ANKRD31: variants seen among roughly 807,000 people sequenced by gnomAD.
ANKRD31 encodes the protein ankyrin repeat domain 31.
A neutral mutation model predicts 186.0 loss-of-function variants in ANKRD31; 147 were observed. The ratio of observed to expected loss-of-function variants is 0.79; its 90% CI spans 0.69 to 0.91. The LOEUF (loss-of-function observed/expected upper bound fraction) is 0.91, where lower values mean the gene tolerates loss of function less well. ANKRD31 is among the 40% of genes least tolerant of loss of function. The pLI is 0.00. For missense variants in ANKRD31, 1,986 were observed against 2,148.8 expected, an observed-to-expected ratio of 0.92 and a Z score of 1.50; for synonymous variants, 673 against 736.4, an observed-to-expected ratio of 0.91 and a Z score of 1.39.
intron 7 of ANKRD31, among the ~76,000 whole-genome samples, chr5:75,195,046 G>A (rs571174022): frequency 1.3e-5 from 2 of 152,190 alleles, no homozygotes; most frequent in South Asian, 4.1e-4. Context: ...TGAGTGATAG[G>A]CCACTACAGA....
chr5:75,154,160 C>T, intron 12 of ANKRD31, 41 bp downstream of exon 12: 3 of 1,365,152 alleles, frequency 2.2e-6, no homozygotes, highest in Non-Finnish European at 2.8e-6. Flanking sequence ...TGTAACTTCA[C>T]TGATGTGACA....
At chr5:75,141,198 A>G (rs1396749137) in intron 15 of ANKRD31, among the ~76,000 whole-genome samples, 1 of 152,170 alleles carries the variant, frequency 6.6e-6, no homozygotes, top group Non-Finnish European at 1.5e-5. Context: ...ACCATTCTCT[A>G]AAAAATGGAT....
At chr5:75,118,904 G>A (rs1378532518) in intron 17 of ANKRD31, among the ~76,000 whole-genome samples, 1 of 152,030 alleles carries the variant, frequency 6.6e-6, no homozygotes, top group Non-Finnish European at 1.5e-5. Flanking sequence ...GAAAAGTGGG[G>A]TAAGAGTTGC....
At chr5:75,144,932 T>C (rs1019883210) in intron 14 of ANKRD31, among the ~76,000 whole-genome samples, 4 of 151,958 alleles carry the variant, frequency 2.6e-5, no homozygotes, top group African/African-American at 9.7e-5. Context: ...GGGCAAATGA[T>C]ATGAACAGAC....
intron 10 of ANKRD31, among the ~76,000 whole-genome samples, chr5:75,178,312 T>G (rs780385281): frequency 6.6e-6 from 1 of 152,144 alleles, no homozygotes; most frequent in Non-Finnish European, 1.5e-5. Context: ...ACTGTCAACA[T>G]TAGACAGATC....
In ANKRD31 at chr5:75,068,566, C is replaced by T. The variant is rs1743947501; in HGVS notation, c.5746G>A (p.Asp1916Asn). 6.6e-7 allele frequency: 1 copy of T among 1,525,868 alleles called. No individual in the cohort carries two copies. Among genetic ancestry groups the T allele is most frequent in the East Asian group, 2.5e-5 (1 of 40,400 alleles). 94.5% of individuals were successfully genotyped at this position (1,525,868 alleles called of 1,614,324 possible). Reference sequence around the variant, plus strand: ...TCCACACAAAACTTCCAATGCTGATCCATTATGTGGCATGGGAGAAATTCT... The same window carrying T: ...TCCACACAAAACTTCCAATGCTGATTCATTATGTGGCATGGGAGAAATTCT... ...DQEFLPCHIM[D>N]QHWKFCVECE... The change falls in exon 26 of 26, where the codon GAT becomes AAT. Residue 1916 changes from aspartate to asparagine, a missense_variant. Asp to Asn is a conservative substitution (Grantham distance 23). Coordinates refer to ENST00000506364, the MANE Select transcript of ANKRD31 (RefSeq NM_001372053.1).
chr5:75,080,873 A>G (rs1745028376), intron 24 of ANKRD31, among the ~76,000 whole-genome samples: 1 of 152,192 alleles, frequency 6.6e-6, no homozygotes, highest in Non-Finnish European at 1.5e-5. Flanking sequence ...ATAAGAGAAC[A>G]GATTATGTTT....
intron 10 of ANKRD31, among the ~76,000 whole-genome samples, chr5:75,172,985 T>A (rs554102776): frequency 2.0e-4 from 30 of 152,286 alleles, no homozygotes; most frequent in South Asian, 4.1e-4. Flanking sequence ...GCAAAAATCC[T>A]CAATAAAATA....
chr5:75,107,496 T>TC (rs1267691059), intron 21 of ANKRD31, 25 bp downstream of exon 21: 1 of 1,406,286 alleles, frequency 7.1e-7, no homozygotes, highest in Non-Finnish European at 9.5e-7. Context: ...TCAAAAGCAC[T>TC]CTTTTTTTTT....
intron 10 of ANKRD31, among the ~76,000 whole-genome samples, chr5:75,185,030 A>T (rs1350675036): frequency 6.7e-6 from 1 of 149,634 alleles, no homozygotes; most frequent in Non-Finnish European, 1.5e-5. Context: ...ATTCAGCCAT[A>T]AAAAAAGAAT....
intron 7 of ANKRD31, 50 bp from the exon 8 acceptor site, chr5:75,193,641 T>C: frequency 9.5e-6 from 14 of 1,470,492 alleles, no homozygotes; most frequent in Non-Finnish European, 1.3e-5. Flanking sequence ...TGCAAAAAAA[T>C]TAAAACTATA....
chr5:75,199,996 T>A (rs1755708640), intron 5 of ANKRD31, among the ~76,000 whole-genome samples: 1 of 152,198 alleles, frequency 6.6e-6, no homozygotes, highest in Non-Finnish European at 1.5e-5. Context: ...GGAAAAAGAC[T>A]ATCTACTTTC....
chr5:75,219,540 T>A (rs1757160696), intron 3 of ANKRD31, among the ~76,000 whole-genome samples: 1 of 152,200 alleles, frequency 6.6e-6, no homozygotes, highest in Non-Finnish European at 1.5e-5. Flanking sequence ...GAACATTCCA[T>A]ACTCATGAAT....
At chr5:75,228,138 G>A (rs1757742136) in intron 2 of ANKRD31, among the ~76,000 whole-genome samples, 1 of 152,150 alleles carries the variant, frequency 6.6e-6, no homozygotes, top group Admixed American at 6.6e-5. Flanking sequence ...CCATTGAAAG[G>A]TTTTGATTGA....
rs995993574 is a variant in ANKRD31, at chr5:75,174,123, T to C, written c.1565-5002A>G. ...TGACAAACCTGACAAAAACAAGAAA[T>C]GGGGAAACGATTCCCTATTTAGTAA... On this transcript the variant is annotated intron_variant, in intron 10 of 25. Transcript: ENST00000506364. Among the ~76,000 whole-genome samples, 9 of 152,266 alleles carry C rather than the reference T, an allele frequency of 5.9e-5. No individual in the cohort carries two copies. The South Asian group carries it at 8.3e-4, about 14-fold the overall frequency.
At chr5:75,096,664 A>C (rs1234812972) in intron 22 of ANKRD31, among the ~76,000 whole-genome samples, 1 of 150,942 alleles carries the variant, frequency 6.6e-6, no homozygotes, top group Non-Finnish European at 1.5e-5. Flanking sequence ...ACCTTTAAAA[A>C]AATTTTTTTT....
At chr5:75,218,731 G>A (rs75109471) in intron 3 of ANKRD31, among the ~76,000 whole-genome samples, 3,978 of 152,096 alleles carry the variant, frequency 0.026, 160 homozygotes, top group African/African-American at 0.091. Flanking sequence ...ATGTGAATTC[G>A]CACAACAAAA....
chr5:75,159,038 A>T (rs1056029047), intron 11 of ANKRD31, among the ~76,000 whole-genome samples: 2 of 141,988 alleles, frequency 1.4e-5, no homozygotes, highest in African/African-American at 2.5e-5. Flanking sequence ...AGAAAGTTTT[A>T]AAAAAATCAA....
At chr5:75,105,593 T>A (rs939819853) in intron 21 of ANKRD31, among the ~76,000 whole-genome samples, 1 of 152,170 alleles carries the variant, frequency 6.6e-6, no homozygotes, top group African/African-American at 2.4e-5. Context: ...AAGGTAGCAA[T>A]TGGTGGCTAA....
Sources: allele counts gnomAD v4.1 joint callset (sites outside exome capture counted in the v4.1 genomes callset), GRCh38; gene constraint gnomAD v4.1.1; transcripts MANE v1.5; gene names NCBI Gene and HGNC (gene_info 2026-07-23, HGNC 2026-07-21).